DCDC1: variants seen among roughly 807,000 people sequenced by gnomAD.
DCDC1 encodes the protein doublecortin domain containing 1, also known as doublecortin domain-containing protein 1.
A neutral mutation model predicts 178.3 loss-of-function variants in DCDC1; 200 were observed. The ratio of observed to expected loss-of-function variants is 1.12; its 90% CI spans 1.00 to 1.26. The LOEUF (loss-of-function observed/expected upper bound fraction) is 1.26. DCDC1 is among the 50% of genes most tolerant of loss of function. The pLI is 0.00. For synonymous variants in DCDC1, 690 were observed against 604.8 expected (o/e 1.14, Z -2.07); for missense variants, 1,983 against 1,749.2 (o/e 1.13, Z -2.38).
At chr11:31,341,682 T>C (rs1250006057) in intron 1 of DCDC1, among the ~76,000 whole-genome samples, 1 of 152,176 alleles carries the variant, frequency 6.6e-6, no homozygotes, top group African/African-American at 2.4e-5. Context: ...AGTAATACAC[T>C]GCACTACAAC....
intron 10 of DCDC1, among the ~76,000 whole-genome samples, chr11:31,135,802 G>A (rs920657345): frequency 1.3e-5 from 2 of 152,078 alleles, no homozygotes; most frequent in African/African-American, 2.4e-5. Context: ...TAAAGATGAT[G>A]ATAACAAAGA....
At position 30,916,850 on chromosome 11, in the gene DCDC1, A is replaced by G; in HGVS notation, c.3452+20T>C. ...ACACTAGACAGAAATCTTTAAGAGG[A>G]ATCCTTTGCAACTTTTTACCTGTGT... On this transcript the variant is annotated intron_variant, in intron 26 of 38. Coordinates refer to ENST00000684477, the MANE Select transcript of DCDC1 (RefSeq NM_001387274.1). 1.8e-5 allele frequency: 29 copies of G among 1,583,300 alleles called. No individual in the cohort carries two copies. The highest frequency in any genetic ancestry group is 2.5e-5 in the Non-Finnish European group (29 of 1,166,112).
chr11:31,352,787 G>A (rs1951139967), intron 1 of DCDC1, among the ~76,000 whole-genome samples: 1 of 152,124 alleles, frequency 6.6e-6, no homozygotes, highest in South Asian at 2.1e-4. Flanking sequence ...AACCCCAAAT[G>A]TAGCAAAAGG....
intron 21 of DCDC1, among the ~76,000 whole-genome samples, chr11:30,940,784 T>G (rs1297754386): frequency 6.6e-6 from 1 of 152,152 alleles, no homozygotes. Flanking sequence ...TACTATTTCT[T>G]TCCTTCTAAT....
intron 9 of DCDC1, among the ~76,000 whole-genome samples, chr11:31,149,876 C>T (rs1031164747): frequency 3.9e-5 from 6 of 152,124 alleles, no homozygotes; most frequent in Non-Finnish European, 5.9e-5. Context: ...TAACACTTGC[C>T]GCAAGGGTCC....
intron 20 of DCDC1, among the ~76,000 whole-genome samples, chr11:30,994,868 C>G (rs1274102490): frequency 1.3e-5 from 2 of 149,532 alleles, no homozygotes; most frequent in Non-Finnish European, 3.0e-5. Flanking sequence ...AAGAGTAAGA[C>G]AAAGATTTCA....
chr11:31,017,932 G>A lies in DCDC1; in HGVS notation c.2591+46537C>T, dbSNP rs186423694. 7.9e-5 allele frequency among the ~76,000 whole-genome samples: 12 copies of A among 152,270 alleles called. No individual in the cohort carries two copies. In the East Asian group the frequency reaches 1.5e-3, roughly 20 times the overall value. ...TCATTAAAATGTTATTTTTGAATAA[G>A]CAATAAGATCGGATATGTTTCATTA... On this transcript the variant is annotated intron_variant, in intron 20 of 38. Transcript: ENST00000684477.
chr11:31,202,093 C>G (rs1442835695), intron 9 of DCDC1, among the ~76,000 whole-genome samples: 2 of 152,172 alleles, frequency 1.3e-5, no homozygotes, highest in Non-Finnish European at 2.9e-5. Flanking sequence ...GTGTCAAAAA[C>G]CTCAAAAGTG....
At chr11:30,944,959 CTTTTTTTTTTTTTTTTTTTT>C (rs34334567) in intron 21 of DCDC1, among the ~76,000 whole-genome samples, 1 of 65,518 alleles carries the variant, frequency 1.5e-5, no homozygotes, top group East Asian at 5.0e-4. Flanking sequence ...ACAAAAATGT[CTTTTTTTTTTTTTTTTTTTT>C]TTTTTTTGAG....
In DCDC1 at chr11:30,892,913, G is replaced by A. The variant is rs1255952808; in HGVS notation, c.4987C>T (p.Leu1663=). The change falls in exon 36 of 39, where the codon CTG becomes TTG. Residue 1663 remains leucine, a synonymous_variant. Coordinates refer to ENST00000684477, the MANE Select transcript of DCDC1 (RefSeq NM_001387274.1). ...CGTTTTGTGTTGGGCTGCTTATACA[G>A]GTTGCTCGGCTTGACTGCTATACGT... is the stretch of plus-strand genomic sequence containing the variant. ...TKRIAVKPSN[L]YKQPNTKRVW... is the part of the protein sequence containing the mutation. The A allele has an allele frequency of 5.6e-6, 9 of 1,613,920 alleles. No homozygotes were observed. The highest frequency in any genetic ancestry group is 7.6e-6 in the Non-Finnish European group (9 of 1,179,852).
chr11:30,995,215 A>C (rs1951194960), intron 20 of DCDC1, among the ~76,000 whole-genome samples: 1 of 152,136 alleles, frequency 6.6e-6, no homozygotes, highest in African/African-American at 2.4e-5. Flanking sequence ...AAATGTGTGC[A>C]GTATCTACGT....
At chr11:30,891,156 C>A (rs768905159) in intron 36 of DCDC1, among the ~76,000 whole-genome samples, 1 of 152,068 alleles carries the variant, frequency 6.6e-6, no homozygotes, top group Non-Finnish European at 1.5e-5. Context: ...TTAAAGAGAC[C>A]ACAGACTCTA....
intron 9 of DCDC1, among the ~76,000 whole-genome samples, chr11:31,165,540 G>T (rs1045080638): frequency 3.9e-5 from 6 of 152,104 alleles, no homozygotes; most frequent in Non-Finnish European, 7.4e-5. Flanking sequence ...TGAACTCCTA[G>T]CCTCAAGCGA....
intron 18 of DCDC1, among the ~76,000 whole-genome samples, chr11:31,067,692 G>T (rs1956326353): frequency 6.6e-6 from 1 of 152,096 alleles, no homozygotes. Context: ...CCATACAATG[G>T]AATATTATTT....
chr11:31,207,563 C>G (rs1482903099), intron 9 of DCDC1, among the ~76,000 whole-genome samples: 1 of 152,160 alleles, frequency 6.6e-6, no homozygotes, highest in Non-Finnish European at 1.5e-5. Context: ...CCTGTTACAT[C>G]GGATGAACTG....
At chr11:31,363,580 G>A (rs1951814220) in intron 1 of DCDC1, among the ~76,000 whole-genome samples, 1 of 152,048 alleles carries the variant, frequency 6.6e-6, no homozygotes, top group African/African-American at 2.4e-5. Flanking sequence ...TGTTTAGCCA[G>A]GTGCCATAGT....
intron 8 of DCDC1, among the ~76,000 whole-genome samples, chr11:31,242,398 A>G (rs937098268): frequency 2.0e-5 from 3 of 151,958 alleles, no homozygotes; most frequent in African/African-American, 7.2e-5. Flanking sequence ...CATGGCAGCT[A>G]GCTAACATTT....
chr11:31,043,483 A>T (rs1426658037), intron 20 of DCDC1, among the ~76,000 whole-genome samples: 1 of 151,966 alleles, frequency 6.6e-6, no homozygotes, highest in Admixed American at 6.6e-5. Context: ...ATGTAGGAAA[A>T]TTTTTTTCCC....
chr11:31,096,959 G>A (rs537076154), intron 15 of DCDC1, among the ~76,000 whole-genome samples: 11 of 152,292 alleles, frequency 7.2e-5, no homozygotes, highest in Admixed American at 3.9e-4. Flanking sequence ...ACATGCATGC[G>A]CATATGTGTT....
Sources: gnomAD v4.1 joint callset for allele counts (sites outside exome capture counted in the v4.1 genomes callset) on GRCh38, gnomAD v4.1.1 for gene constraint, MANE v1.5 for transcripts, NCBI Gene and HGNC (gene_info 2026-07-23, HGNC 2026-07-21) for gene names.